The following GABRG3 variants were observed in gnomAD, a reference collection of about 807,000 sequenced individuals.
The protein encoded by GABRG3 is gamma-aminobutyric acid receptor subunit gamma-3.
In GABRG3, 25 loss-of-function variants were observed where a neutral mutation model predicts 48.8. That is an observed-to-expected ratio of 0.51 (90% CI 0.37 to 0.72). The LOEUF is 0.72. Among genes scored for constraint, GABRG3 ranks in the 30% least tolerant of loss-of-function variants. The probability of loss-of-function intolerance (pLI) is 0.00; values close to 1 mark genes in which losing one functional copy is unlikely to be tolerated. For missense variants in GABRG3, 394 were observed against 577.9 expected, an observed-to-expected ratio of 0.68 and a Z score of 3.26; for synonymous variants, 227 against 217.6, an observed-to-expected ratio of 1.04 and a Z score of -0.38.
chr15:27,403,420 A>G (rs1400948888), intron 5 of GABRG3, among the ~76,000 whole-genome samples: 1 of 152,194 alleles, frequency 6.6e-6, no homozygotes, highest in Non-Finnish European at 1.5e-5. Context: ...CCAAACCCCT[A>G]TAAACTCCAA....
In GABRG3 at chr15:26,975,634, G is replaced by A. The variant is rs2889392; in HGVS notation, c.54-1368G>A. 0.53 allele frequency among the ~76,000 whole-genome samples: 81,110 copies of A among 151,940 alleles called. 22,965 individuals carry two copies. The highest frequency in any genetic ancestry group is 0.74 in the African/African-American group (30,617 of 41,458). ...ATATATATGAAGACCTAAATTAAGT[G>A]GAAAAAATGAATATGAAATTTTATT... is the stretch of plus-strand genomic sequence containing the variant. On this transcript the variant is annotated intron_variant, in intron 1 of 9. Transcript: ENST00000615808. This position sits in a 1 kb window ranked among gnomAD's most constrained non-coding sequence, Gnocchi z 4.6.
chr15:27,323,073 G>A (rs565627062), intron 3 of GABRG3, among the ~76,000 whole-genome samples: 43 of 152,116 alleles, frequency 2.8e-4, no homozygotes, highest in Non-Finnish European at 4.3e-4. Context: ...TGCTCCTAAT[G>A]GGGATGGAGA....
intron 3 of GABRG3, among the ~76,000 whole-genome samples, chr15:27,125,717 C>T (rs143681289): frequency 6.6e-6 from 1 of 152,294 alleles, no homozygotes; most frequent in East Asian, 1.9e-4. Flanking sequence ...GTATTCTTTG[C>T]GGGAGCGCTG....
At chr15:26,997,147 G>A (rs1031998961) in intron 2 of GABRG3, among the ~76,000 whole-genome samples, 12 of 151,672 alleles carry the variant, frequency 7.9e-5, no homozygotes, top group East Asian at 3.9e-4. Flanking sequence ...GTACTTTTTC[G>A]TTCTGGAATT....
rs36025515 is a variant in GABRG3 at position 27,403,210 on chromosome 15, CA to C, written c.574+74331del. ...AGAAGATTGGCCAGAATAAAATGAC[CA>C]AAAAAAAATGTTGAAAAGTTAAAGG... On this transcript the variant is annotated intron_variant, in intron 5 of 9. Coordinates refer to ENST00000615808, the MANE Select transcript of GABRG3 (RefSeq NM_033223.5). 2.3e-4 allele frequency among the ~76,000 whole-genome samples: 35 copies of C among 149,200 alleles called. No individual in the cohort carries two copies. The East Asian group carries it at 3.2e-3, about 13-fold the overall frequency.
rs556525799 is a variant in GABRG3, at chr15:27,165,692, CA to C, written c.270+138872del. Reference sequence around the variant, plus strand: ...CACACAATAATTTAAGTCTGCCATGCACATGTCATGCCTGTGAAAACCAATA... The same window carrying C: ...CACACAATAATTTAAGTCTGCCATGCCATGTCATGCCTGTGAAAACCAATA... On this transcript the variant is annotated intron_variant, in intron 3 of 9. Transcript: ENST00000615808. Among the ~76,000 whole-genome samples the C allele has an allele frequency of 4.3e-3, 660 of 152,138 alleles. 3 individuals carry two copies. Among genetic ancestry groups the C allele is most frequent in the Non-Finnish European group, 5.2e-3 (352 of 68,020 alleles).
chr15:27,462,238 C>T (rs1476706301), intron 5 of GABRG3, among the ~76,000 whole-genome samples: 1 of 152,150 alleles, frequency 6.6e-6, no homozygotes, highest in African/African-American at 2.4e-5. Flanking sequence ...CTAAGCTTAT[C>T]AGCATCTGCC....
intron 5 of GABRG3, among the ~76,000 whole-genome samples, chr15:27,439,402 A>G (rs1270645679): frequency 6.6e-6 from 1 of 152,238 alleles, no homozygotes; most frequent in African/African-American, 2.4e-5. Context: ...TTTCCAGTAG[A>G]TAATACACTG....
chr15:27,131,459 G>T (rs897065593), intron 3 of GABRG3, among the ~76,000 whole-genome samples: 5 of 151,832 alleles, frequency 3.3e-5, no homozygotes, highest in African/African-American at 1.2e-4. Flanking sequence ...CAGGATTCTT[G>T]TATCAGTAGT....
chr15:27,440,340 G>T (rs974401506), intron 5 of GABRG3, among the ~76,000 whole-genome samples: 3 of 152,158 alleles, frequency 2.0e-5, no homozygotes, highest in Admixed American at 6.5e-5. Context: ...TGACCCCTGC[G>T]ATTCATGTGT....
At chr15:27,193,132 G>A (rs991015303) in intron 3 of GABRG3, among the ~76,000 whole-genome samples, 4 of 152,208 alleles carry the variant, frequency 2.6e-5, no homozygotes, top group African/African-American at 7.2e-5. Context: ...CCCTACTGGG[G>A]GGTGCCTCCC....
At chr15:27,428,071 TA>T (rs1480572618) in intron 5 of GABRG3, 2 of 152,536 alleles carry the variant, frequency 1.3e-5, no homozygotes, top group Non-Finnish European at 2.9e-5. Flanking sequence ...TTTTCTTTTG[TA>T]GAGATGGAGT....
At chr15:27,228,608 C>T (rs531777022) in intron 3 of GABRG3, among the ~76,000 whole-genome samples, 9 of 152,228 alleles carry the variant, frequency 5.9e-5, no homozygotes, top group East Asian at 1.9e-4. Context: ...GTTGAATGGT[C>T]GTTCTGCTTT....
chr15:27,436,056 A>G (rs1001792017), intron 5 of GABRG3, among the ~76,000 whole-genome samples: 1 of 152,206 alleles, frequency 6.6e-6, no homozygotes, highest in Non-Finnish European at 1.5e-5. Context: ...CCTGATGGCA[A>G]TTGCTGATGA....
At chr15:27,441,459 A>G (rs1047367357) in intron 5 of GABRG3, among the ~76,000 whole-genome samples, 3 of 152,206 alleles carry the variant, frequency 2.0e-5, no homozygotes, top group Admixed American at 6.5e-5. Context: ...CTGGAAAGAT[A>G]CCTGTGTCCC....
chr15:27,003,162 TTTTA>T (rs1895486842), intron 2 of GABRG3, among the ~76,000 whole-genome samples: 1 of 150,260 alleles, frequency 6.7e-6, no homozygotes, highest in Non-Finnish European at 1.5e-5. Context: ...GTTTTTATTT[TTTTA>T]TTTTTTATTT....
chr15:27,514,782 A>G (rs1268058529), intron 6 of GABRG3, among the ~76,000 whole-genome samples: 1 of 152,216 alleles, frequency 6.6e-6, no homozygotes, highest in Non-Finnish European at 1.5e-5. Flanking sequence ...CAAAATGCAC[A>G]CACAGATTCA....
chr15:27,257,932 G>A (rs1378733688), intron 3 of GABRG3, among the ~76,000 whole-genome samples: 1 of 140,608 alleles, frequency 7.1e-6, no homozygotes, highest in African/African-American at 2.7e-5. Context: ...TTATAGACGT[G>A]AGCCTTGTGC....
rs564808750 is a variant in GABRG3 at position 27,540,985 on chromosome 15, A to G, written c.*8104A>G. 5 of 152,392 alleles carry G rather than the reference A, an allele frequency of 3.3e-5. No homozygotes were observed. The East Asian group carries it at 9.6e-4, about 29-fold the overall frequency. 9.4% of individuals were successfully genotyped at this position (152,392 alleles called of 1,614,324 possible). On this transcript the variant is annotated 3_prime_UTR_variant, in exon 10 of 10. Transcript: ENST00000615808. The stretch of plus-strand genomic sequence containing the variant: ...TTAGCACTAAGCCTCTGGTTAGGAT[A>G]AAAAGGAGCAAGGGAGAGGGAGAAA...
Sources: allele counts gnomAD v4.1 joint callset (sites outside exome capture counted in the v4.1 genomes callset), GRCh38; gene constraint gnomAD v4.1.1; non-coding constraint Gnocchi (gnomAD v3.1); transcripts MANE v1.5; gene names NCBI Gene and HGNC (gene_info 2026-07-23, HGNC 2026-07-21).